The following CAMK1D variants were observed in gnomAD, a reference collection of about 807,000 sequenced individuals.
CAMK1D encodes the protein calcium/calmodulin dependent protein kinase ID.
Under a neutral mutation model 47.7 loss-of-function variants are expected in CAMK1D, and 9 were observed. The ratio of observed to expected loss-of-function variants is 0.19; its 90% CI spans 0.11 to 0.33. The LOEUF (loss-of-function observed/expected upper bound fraction) is 0.33, where lower values mean the gene tolerates loss of function less well. CAMK1D is among the 10% of genes least tolerant of loss of function. The pLI is 1.00. For synonymous variants in CAMK1D, 184 were observed against 184.9 expected (o/e 0.99, Z 0.04); for missense variants, 291 against 488.7 (o/e 0.60, Z 3.81).
chr10:12,528,663 A>G (rs1835704339), intron 1 of CAMK1D, among the ~76,000 whole-genome samples: 1 of 152,184 alleles, frequency 6.6e-6, no homozygotes, highest in Admixed American at 6.6e-5. Context: ...TGTCAAAGGT[A>G]AAATGATTTG....
At chr10:12,693,968 TATATAATATATATTATATATAC>T (rs1177893713) in intron 3 of CAMK1D, among the ~76,000 whole-genome samples, 7 of 18,232 alleles carry the variant, frequency 3.8e-4, no homozygotes, top group Non-Finnish European at 8.9e-4. Flanking sequence ...ATATATAAAA[TATATAATATATATTATATATAC>T]ATATAATATA....
chr10:12,429,488 C>T (rs535084078), intron 1 of CAMK1D, among the ~76,000 whole-genome samples: 21 of 152,162 alleles, frequency 1.4e-4, no homozygotes, highest in South Asian at 2.1e-4. Flanking sequence ...TATAGGTGCG[C>T]GCTATCGTGC....
intron 3 of CAMK1D, among the ~76,000 whole-genome samples, chr10:12,738,747 G>A (rs1042258405): frequency 1.2e-4 from 18 of 152,048 alleles, no homozygotes; most frequent in African/African-American, 2.2e-4. Flanking sequence ...CAGGAGGAGC[G>A]CGTAAAGCCA....
At position 12,534,242 on chromosome 10, in the gene CAMK1D, C is replaced by T. The variant is rs1285653420; in HGVS notation, c.93-18983C>T. Among the ~76,000 whole-genome samples the T allele has an allele frequency of 3.0e-4, 46 of 152,228 alleles. 1 individual carries two copies. The highest frequency in any genetic ancestry group is 3.0e-3 in the Admixed American group (46 of 15,280). ...TCAATGTATCAATCATGGAGTCTCG[C>T]TCTGTCACCCAGGTTGGAGTGCAGT... On this transcript the variant is annotated intron_variant, in intron 1 of 10. Coordinates refer to ENST00000619168, the MANE Select transcript of CAMK1D (RefSeq NM_153498.4).
At chr10:12,649,739 A>G (rs1199093218) in intron 2 of CAMK1D, among the ~76,000 whole-genome samples, 2 of 152,156 alleles carry the variant, frequency 1.3e-5, no homozygotes, top group Non-Finnish European at 2.9e-5. Context: ...TGCCATCATC[A>G]CCTCTGAAGA....
At chr10:12,694,019 T>C (rs1382057802) in intron 3 of CAMK1D, among the ~76,000 whole-genome samples, 10 of 73,932 alleles carry the variant, frequency 1.4e-4, no homozygotes, top group Non-Finnish European at 2.4e-4. Context: ...ATATTAAATA[T>C]ATATAATATA....
At chr10:12,786,874 G>A (rs1588926366) in intron 5 of CAMK1D, among the ~76,000 whole-genome samples, 2 of 152,366 alleles carry the variant, frequency 1.3e-5, no homozygotes, top group African/African-American at 4.8e-5. Context: ...TGTAATCCCA[G>A]CACTTTGGGA....
At chr10:12,614,365 C>A (rs77818266) in intron 2 of CAMK1D, among the ~76,000 whole-genome samples, 2,361 of 152,316 alleles carry the variant, frequency 0.016, 51 homozygotes, top group African/African-American at 0.054. Flanking sequence ...AAATAGGCAA[C>A]TGTGGATTGA....
At position 12,477,186 on chromosome 10, in the gene CAMK1D, C is replaced by T. The variant is rs543513739; in HGVS notation, c.93-76039C>T. On this transcript the variant is annotated intron_variant, in intron 1 of 10. Transcript: ENST00000619168. ...ATCCCAGCACTTTGGGAGGCCGAGG[C>T]GGGCAGATCACTGGAGGTCAGGAGT... 5.3e-5 allele frequency among the ~76,000 whole-genome samples: 8 copies of T among 152,172 alleles called. No individual in the cohort carries two copies. The East Asian group carries it at 1.2e-3, about 22-fold the overall frequency.
At chr10:12,567,420 G>A (rs1202683701) in intron 2 of CAMK1D, among the ~76,000 whole-genome samples, 1 of 152,226 alleles carries the variant, frequency 6.6e-6, no homozygotes, top group Non-Finnish European at 1.5e-5. Flanking sequence ...AGTGGGGAAG[G>A]CAGGGATGGG....
intron 4 of CAMK1D, among the ~76,000 whole-genome samples, chr10:12,769,307 A>G (rs1378745841): frequency 1.3e-5 from 2 of 152,196 alleles, no homozygotes; most frequent in African/African-American, 2.4e-5. Flanking sequence ...AAAGGAGCAG[A>G]GAAGCACCTG....
intron 2 of CAMK1D, among the ~76,000 whole-genome samples, chr10:12,601,902 A>C (rs1216514014): frequency 6.6e-6 from 1 of 152,242 alleles, no homozygotes; most frequent in Non-Finnish European, 1.5e-5. Flanking sequence ...TGGACAAGGC[A>C]GCTGAGCTCT....
At chr10:12,380,963 A>T (rs1260014915) in intron 1 of CAMK1D, among the ~76,000 whole-genome samples, 1 of 152,244 alleles carries the variant, frequency 6.6e-6, no homozygotes, top group African/African-American at 2.4e-5. Flanking sequence ...GTTGTTTTTG[A>T]GTTAAAATGA....
At chr10:12,706,510 A>G (rs1201206435) in intron 3 of CAMK1D, among the ~76,000 whole-genome samples, 1 of 152,154 alleles carries the variant, frequency 6.6e-6, no homozygotes, top group Non-Finnish European at 1.5e-5. Context: ...CCAGGAGTTC[A>G]AGACCAGCCT....
At chr10:12,374,731 C>T (rs1404235488) in intron 1 of CAMK1D, among the ~76,000 whole-genome samples, 1 of 152,010 alleles carries the variant, frequency 6.6e-6, no homozygotes, top group Admixed American at 6.6e-5. Context: ...ATCACAAGGT[C>T]AGGAGTTTGA....
Position 12,617,316 on chromosome 10 carries a change from A to G in CAMK1D, c.225-49420A>G, listed in dbSNP as rs375596174. On this transcript the variant is annotated intron_variant, in intron 2 of 10. Coordinates refer to ENST00000619168, the MANE Select transcript of CAMK1D (RefSeq NM_153498.4). ...TGTATTCCTAGAAGACAAATGAGGA[A>G]AAATACATAAGCAAAAAGAGGAAGA... 2.6e-5 allele frequency among the ~76,000 whole-genome samples: 4 copies of G among 152,218 alleles called. No homozygotes were observed. The South Asian group carries it at 8.3e-4, about 32-fold the overall frequency.
At chr10:12,395,797 C>T (rs573434692) in intron 1 of CAMK1D, among the ~76,000 whole-genome samples, 20 of 151,686 alleles carry the variant, frequency 1.3e-4, no homozygotes, top group South Asian at 2.1e-4. Context: ...CATGGTGGTG[C>T]GTGCCGGTAG....
intron 5 of CAMK1D, among the ~76,000 whole-genome samples, chr10:12,772,036 G>GA (rs35859252): frequency 1.4e-3 from 198 of 145,460 alleles, no homozygotes; most frequent in African/African-American, 2.3e-3. Flanking sequence ...GCTATCTCAG[G>GA]AAAAAAAAAA....
At chr10:12,364,634 C>T (rs1037302779) in intron 1 of CAMK1D, among the ~76,000 whole-genome samples, 33 of 152,090 alleles carry the variant, frequency 2.2e-4, no homozygotes, top group East Asian at 9.7e-4. Flanking sequence ...AAAAGCAAAA[C>T]CTCACGCTCT....
Sources: gnomAD v4.1 joint callset for allele counts (sites outside exome capture counted in the v4.1 genomes callset) on GRCh38, gnomAD v4.1.1 for gene constraint, MANE v1.5 for transcripts, NCBI Gene and HGNC (gene_info 2026-07-23, HGNC 2026-07-21) for gene names.